Variants in UBE2E2 observed in about 807,000 individuals in gnomAD.
UBE2E2 encodes ubiquitin conjugating enzyme E2 E2.
A neutral mutation model predicts 24.7 loss-of-function variants in UBE2E2; 6 were observed. The ratio of observed to expected loss-of-function variants is 0.24; its 90% CI spans 0.13 to 0.48. The LOEUF (loss-of-function observed/expected upper bound fraction) is 0.48. Among genes scored for constraint, UBE2E2 ranks in the 20% least tolerant of loss-of-function variants. The probability of loss-of-function intolerance (pLI) is 0.99; values close to 1 mark genes in which losing one functional copy is unlikely to be tolerated. For synonymous variants in UBE2E2, 104 were observed against 83.6 expected, an observed-to-expected ratio of 1.24 and a Z score of -1.33; for missense variants, 169 against 245.0, an observed-to-expected ratio of 0.69 and a Z score of 2.07.
chr3:23,286,562 A>G (rs998003246), intron 3 of UBE2E2, among the ~76,000 whole-genome samples: 1 of 152,184 alleles, frequency 6.6e-6, no homozygotes, highest in Non-Finnish European at 1.5e-5. Context: ...GCTCTGTAGT[A>G]TAATTTGAAG....
chr3:23,246,498 G>A (rs1697406559), intron 3 of UBE2E2, among the ~76,000 whole-genome samples: 1 of 147,970 alleles, frequency 6.8e-6, no homozygotes, highest in African/African-American at 2.5e-5. Context: ...GCCTCCCAAA[G>A]TTCTGGGATT....
intron 3 of UBE2E2, among the ~76,000 whole-genome samples, chr3:23,299,012 C>T (rs1027217986): frequency 6.6e-6 from 1 of 152,132 alleles, no homozygotes; most frequent in Admixed American, 6.6e-5. Context: ...CTGGTTTAGT[C>T]TTGGGAGGAT....
At chr3:23,204,678 C>A in intron 1 of UBE2E2, 3 of 984,960 alleles carry the variant, frequency 3.0e-6, no homozygotes, top group Non-Finnish European at 3.6e-6. Context: ...CATTCTCTTT[C>A]CCCTGCAGCA....
At chr3:23,448,941 G>T (rs1698492761) in intron 3 of UBE2E2, among the ~76,000 whole-genome samples, 1 of 152,136 alleles carries the variant, frequency 6.6e-6, no homozygotes, top group South Asian at 2.1e-4. Flanking sequence ...TCCTTTCTTG[G>T]AGTTCACCAC....
chr3:23,510,728 C>T (rs1224741627), intron 4 of UBE2E2, among the ~76,000 whole-genome samples: 1 of 152,150 alleles, frequency 6.6e-6, no homozygotes, highest in African/African-American at 2.4e-5. Context: ...AGTGTATTAG[C>T]TGTTAACAGA....
intron 3 of UBE2E2, among the ~76,000 whole-genome samples, chr3:23,247,357 ATTTT>A: frequency 7.2e-6 from 1 of 138,754 alleles, no homozygotes. Context: ...CTCTGAGTGT[ATTTT>A]TTTTTTTTTT....
chr3:23,336,104 A>T (rs1695202332), intron 3 of UBE2E2, among the ~76,000 whole-genome samples: 1 of 152,220 alleles, frequency 6.6e-6, no homozygotes, highest in Non-Finnish European at 1.5e-5. Context: ...TGAAAGAGGA[A>T]CATTGTTTTA....
At chr3:23,214,540 A>G (rs1209564966) in intron 2 of UBE2E2, among the ~76,000 whole-genome samples, 2 of 151,486 alleles carry the variant, frequency 1.3e-5, no homozygotes, top group African/African-American at 4.8e-5. Flanking sequence ...CATAGCCACC[A>G]ATACTGAGCC....
At chr3:23,514,133 A>G (rs533442872) in intron 4 of UBE2E2, among the ~76,000 whole-genome samples, 2 of 152,316 alleles carry the variant, frequency 1.3e-5, no homozygotes, top group South Asian at 2.1e-4. Flanking sequence ...ATGATTTGCC[A>G]GTACATTTGA....
intron 3 of UBE2E2, among the ~76,000 whole-genome samples, chr3:23,448,807 G>T (rs774377532): frequency 1.3e-5 from 2 of 152,242 alleles, no homozygotes; most frequent in Non-Finnish European, 2.9e-5. Flanking sequence ...AGGGATTAAA[G>T]GGGCCCTCTG....
At chr3:23,365,756 A>G (rs755067055) in intron 3 of UBE2E2, among the ~76,000 whole-genome samples, 1 of 152,216 alleles carries the variant, frequency 6.6e-6, no homozygotes, top group African/African-American at 2.4e-5. Flanking sequence ...AGAATTAGAA[A>G]AATTATTTTT....
intron 5 of UBE2E2, among the ~76,000 whole-genome samples, chr3:23,582,886 T>TGC (rs1696518940): frequency 2.7e-5 from 4 of 147,564 alleles, no homozygotes; most frequent in African/African-American, 1.0e-4. Flanking sequence ...TGTGTGTGTG[T>TGC]GTGTGTGTTG....
At chr3:23,250,558 G>A (rs1484648185) in intron 3 of UBE2E2, among the ~76,000 whole-genome samples, 1 of 152,086 alleles carries the variant, frequency 6.6e-6, no homozygotes, top group Non-Finnish European at 1.5e-5. Context: ...AGATGCATTT[G>A]TATGAAGAAT....
Position 23,591,414 on chromosome 3 carries a change from A to T in UBE2E2, c.*1583A>T, listed in dbSNP as rs1269657755. The T allele has an allele frequency of 2.6e-5, 4 of 152,260 alleles. No individual in the cohort carries two copies. The highest frequency in any genetic ancestry group is 1.5e-5 in the Non-Finnish European group (1 of 68,046). The allele number at this position is 152,260 out of a possible 1,614,324, so 9.4% of individuals were successfully genotyped here. A position where few individuals can be genotyped will look rare whatever the true frequency, so the allele number is the denominator to read the frequency against. On this transcript the variant is annotated 3_prime_UTR_variant, in exon 6 of 6. Transcript: ENST00000396703. ...TTTTAACTAGTTAAAAATAAATCCT[A>T]AGAAAATATATTTAAATATTGCAAA...
At chr3:23,272,637 AC>A (rs1400355893) in intron 3 of UBE2E2, among the ~76,000 whole-genome samples, 1 of 152,346 alleles carries the variant, frequency 6.6e-6, no homozygotes, top group East Asian at 1.9e-4. Context: ...TCATAGTTCT[AC>A]AGAGAAATAG....
rs1353131374 is a variant in UBE2E2, at chr3:23,582,661, A to AT, written c.509-7067dup. 3.3e-5 allele frequency among the ~76,000 whole-genome samples: 5 copies of AT among 152,080 alleles called. No individual in the cohort carries two copies. The South Asian group carries it at 6.2e-4, about 19-fold the overall frequency. On this transcript the variant is annotated intron_variant, in intron 5 of 5. Coordinates refer to ENST00000396703, the MANE Select transcript of UBE2E2 (RefSeq NM_152653.4). ...TGCATTTCTTTAATGATCAGTGATC[A>AT]TTTTTTCCTATGCTTGTTGGCCACA...
chr3:23,268,894 C>T (rs77641977), intron 3 of UBE2E2, among the ~76,000 whole-genome samples: 10,227 of 152,070 alleles, frequency 0.067, 511 homozygotes, highest in Non-Finnish European at 0.095. Flanking sequence ...TGAGAAATAA[C>T]GCCACATATC....
chr3:23,208,041 A>C (rs538008385), intron 1 of UBE2E2, among the ~76,000 whole-genome samples: 1 of 149,658 alleles, frequency 6.7e-6, no homozygotes, highest in East Asian at 1.9e-4. Context: ...TTTTTTATTA[A>C]TTTTTTTTTT....
intron 3 of UBE2E2, among the ~76,000 whole-genome samples, chr3:23,290,078 T>C (rs1210554571): frequency 1.3e-5 from 2 of 152,228 alleles, no homozygotes; most frequent in Non-Finnish European, 2.9e-5. Flanking sequence ...TTTAAACCAC[T>C]CAATAATGTG....
Sources: gnomAD v4.1 joint callset for allele counts (sites outside exome capture counted in the v4.1 genomes callset) on GRCh38, gnomAD v4.1.1 for gene constraint, MANE v1.5 for transcripts, NCBI Gene and HGNC (gene_info 2026-07-23, HGNC 2026-07-21) for gene names.